UBE2D2: variants seen among roughly 807,000 people sequenced by gnomAD.
The protein encoded by UBE2D2 is ubiquitin-conjugating enzyme E2 D2.
A neutral mutation model predicts 24.2 loss-of-function variants in UBE2D2; 2 were observed. The observed-to-expected ratio is 0.08, with a 90% CI of 0.03 to 0.26. The LOEUF (loss-of-function observed/expected upper bound fraction) is 0.26. Among genes scored for constraint, UBE2D2 ranks in the 10% least tolerant of loss-of-function variants. UBE2D2 has a pLI of 1.00. For synonymous variants in UBE2D2, 58 were observed against 56.5 expected, an observed-to-expected ratio of 1.03 and a Z score of -0.12; for missense variants, 44 against 177.6, an observed-to-expected ratio of 0.25 and a Z score of 4.28.
chr5:139,564,417 G>C (rs569292916), intron 1 of UBE2D2, among the ~76,000 whole-genome samples: 1 of 150,094 alleles, frequency 6.7e-6, no homozygotes, highest in Non-Finnish European at 1.5e-5. Context: ...GCCTCCCAAA[G>C]TGTTGGGATT....
chr5:139,600,027 A>G (rs555141697), intron 1 of UBE2D2, among the ~76,000 whole-genome samples: 55 of 151,832 alleles, frequency 3.6e-4, no homozygotes, highest in Admixed American at 1.1e-3. Context: ...CGAACTCCTG[A>G]CCTCAAGTGA....
intron 5 of UBE2D2, among the ~76,000 whole-genome samples, chr5:139,619,482 T>G (rs1469549696): frequency 6.6e-6 from 1 of 152,112 alleles, no homozygotes; most frequent in Non-Finnish European, 1.5e-5. Context: ...AAATAAGAGT[T>G]ACTATCTTTA....
At chr5:139,555,542 G>A (rs997963953) in intron 1 of UBE2D2, among the ~76,000 whole-genome samples, 13 of 152,062 alleles carry the variant, frequency 8.5e-5, no homozygotes, top group African/African-American at 1.4e-4. Context: ...AACTTGTAGC[G>A]TGTGGCAAAG....
chr5:139,545,139 G>A (rs185499017), intron 1 of UBE2D2, among the ~76,000 whole-genome samples: 1 of 151,644 alleles, frequency 6.6e-6, no homozygotes, highest in East Asian at 1.9e-4. Flanking sequence ...GATCTAACTC[G>A]ATCTAACTCA....
intron 2 of UBE2D2, among the ~76,000 whole-genome samples, chr5:139,604,477 C>T (rs1754153971): frequency 6.6e-6 from 1 of 151,976 alleles, no homozygotes; most frequent in African/African-American, 2.4e-5. Context: ...AATAAATAAC[C>T]AATTAAAAAA....
intron 2 of UBE2D2, among the ~76,000 whole-genome samples, chr5:139,601,683 G>A (rs1023777872): frequency 6.6e-6 from 1 of 151,960 alleles, no homozygotes; most frequent in African/African-American, 2.4e-5. Flanking sequence ...GGCCGAGGCG[G>A]GCGGATCACG....
At chr5:139,595,955 G>A (rs1753951181) in intron 1 of UBE2D2, among the ~76,000 whole-genome samples, 2 of 139,294 alleles carry the variant, frequency 1.4e-5, no homozygotes, top group African/African-American at 5.4e-5. Flanking sequence ...GTGCAGCGGT[G>A]AGATCTGGGC....
At chr5:139,533,902 C>A (rs1408884778) in intron 1 of UBE2D2, among the ~76,000 whole-genome samples, 1 of 150,836 alleles carries the variant, frequency 6.6e-6, no homozygotes, top group Non-Finnish European at 1.5e-5. Flanking sequence ...CCTGCCTCAG[C>A]CTCCCGAGTA....
Position 139,623,848 on chromosome 5 carries a change from C to T in UBE2D2, c.398+387C>T, listed in dbSNP as rs528694757. ...ATGGGATTACAGGCGCAGGCCACCA[C>T]GCCAGGTTCGTTTTTTTTGTAGTTT... On this transcript the variant is annotated intron_variant, in intron 6 of 6. Coordinates refer to ENST00000398733, the MANE Select transcript of UBE2D2 (RefSeq NM_003339.3). Among the ~76,000 whole-genome samples, 5 of 152,190 alleles carry T rather than the reference C, an allele frequency of 3.3e-5. No homozygotes were observed. In the South Asian group the frequency reaches 6.2e-4, roughly 19 times the overall value.
intron 1 of UBE2D2, among the ~76,000 whole-genome samples, chr5:139,595,101 GAC>G (rs1326074995): frequency 1.3e-5 from 2 of 152,174 alleles, no homozygotes; most frequent in Non-Finnish European, 2.9e-5. Flanking sequence ...GGAACTCATA[GAC>G]ACAGAGGGCT....
At chr5:139,536,007 C>T (rs1752677874) in intron 1 of UBE2D2, among the ~76,000 whole-genome samples, 1 of 152,158 alleles carries the variant, frequency 6.6e-6, no homozygotes, top group Non-Finnish European at 1.5e-5. Context: ...ATCCTCCTGC[C>T]TCAGCCTCCC....
At chr5:139,598,883 C>T (rs1345351465) in intron 1 of UBE2D2, among the ~76,000 whole-genome samples, 2 of 130,762 alleles carry the variant, frequency 1.5e-5, no homozygotes, top group Non-Finnish European at 3.3e-5. Context: ...TCTATGGTGG[C>T]TTTTATTACT....
chr5:139,529,726 G>A (rs1217986783), intron 1 of UBE2D2, among the ~76,000 whole-genome samples: 1 of 152,138 alleles, frequency 6.6e-6, no homozygotes, highest in African/African-American at 2.4e-5. Context: ...GTTCAAAAAC[G>A]CTCTCCAGAA....
intron 1 of UBE2D2, among the ~76,000 whole-genome samples, chr5:139,529,684 A>G (rs1371418617): frequency 1.3e-5 from 2 of 152,152 alleles, no homozygotes; most frequent in African/African-American, 2.4e-5. Context: ...AAAGGGCTGG[A>G]TCTTAGTGTA....
chr5:139,562,220 T>G, intron 1 of UBE2D2: 1 of 1,371,186 alleles, frequency 7.3e-7, no homozygotes, highest in Non-Finnish European at 9.6e-7. Flanking sequence ...CCATTTCTGT[T>G]CCCTCCTCCC....
chr5:139,626,875 A>G lies in UBE2D2; in HGVS notation c.*74A>G. The G allele has an allele frequency of 3.0e-6, 4 of 1,339,084 alleles. No homozygotes were observed. The highest frequency in any genetic ancestry group is 4.2e-6 in the Non-Finnish European group (4 of 943,152). The allele number at this position is 1,339,084 out of a possible 1,614,324, so 83.0% of individuals were successfully genotyped here. On this transcript the variant is annotated 3_prime_UTR_variant, in exon 7 of 7. Coordinates refer to ENST00000398733, the MANE Select transcript of UBE2D2 (RefSeq NM_003339.3). Reference sequence around the variant, plus strand: ...GAAAGAGAAAGTCCTTTTGATTTCCATTTGACTGCTTTCTATGAGCCCACG... The same window carrying G: ...GAAAGAGAAAGTCCTTTTGATTTCCGTTTGACTGCTTTCTATGAGCCCACG...
At chr5:139,548,359 C>A (rs1056482231) in intron 1 of UBE2D2, among the ~76,000 whole-genome samples, 3 of 151,764 alleles carry the variant, frequency 2.0e-5, no homozygotes, top group Non-Finnish European at 4.4e-5. Flanking sequence ...GTGGATTGAA[C>A]CGCCAGACTG....
chr5:139,557,022 A>AT (rs1760811361), upstream of UBE2D2, among the ~76,000 whole-genome samples: 1 of 151,170 alleles, frequency 6.6e-6, no homozygotes, highest in African/African-American at 2.4e-5. Flanking sequence ...TTTAGTAGAG[A>AT]CGGGGTTTCA....
chr5:139,570,733 G>T (rs895803101), intron 1 of UBE2D2, among the ~76,000 whole-genome samples: 8 of 151,950 alleles, frequency 5.3e-5, no homozygotes, highest in African/African-American at 1.5e-4. Flanking sequence ...GGATGGTCTC[G>T]ATCTCCTGAC....
Sources: gnomAD v4.1 joint callset for allele counts (sites outside exome capture counted in the v4.1 genomes callset) on GRCh38, gnomAD v4.1.1 for gene constraint, MANE v1.5 for transcripts, NCBI Gene and HGNC (gene_info 2026-07-23, HGNC 2026-07-21) for gene names.